The following PLA2G7 variants were observed in gnomAD, a reference collection of about 807,000 sequenced individuals.
PLA2G7 encodes the protein platelet-activating factor acetylhydrolase.
PLA2G7 carries 63 observed loss-of-function variants against 49.6 expected under a neutral mutation model. That is an observed-to-expected ratio of 1.27 (90% CI 1.04 to 1.57). PLA2G7 has a LOEUF of 1.57. Ranked by LOEUF, PLA2G7 falls within the 40% of genes most tolerant of loss-of-function variation. The probability of loss-of-function intolerance (pLI) is 0.00; values close to 1 mark genes in which losing one functional copy is unlikely to be tolerated. For synonymous variants in PLA2G7, 193 were observed against 169.9 expected, an observed-to-expected ratio of 1.14 and a Z score of -1.06; for missense variants, 596 against 521.2, an observed-to-expected ratio of 1.14 and a Z score of -1.40.
chr6:46,708,041 T>A lies in PLA2G7; in HGVS notation c.990A>T (p.Lys330Asn), dbSNP rs199551268. The change falls in exon 10 of 12, where the codon AAA (lysine) becomes AAT (asparagine). Residue 330 changes from lysine to asparagine, a missense_variant. Physicochemically the swap from Lys to Asn is moderately conservative, Grantham distance 94. Coordinates refer to ENST00000274793, the MANE Select transcript of PLA2G7 (RefSeq NM_005084.4). ...TATCAGGTGAGTAGCATTTTTTCATTTTTATGATATTAGCAGGATATTGGA... is the reference window on the plus strand; with the variant it reads ...TATCAGGTGAGTAGCATTTTTTCATATTTATGATATTAGCAGGATATTGGA... ...EYFQYPANII[K>N]MKKCYSPDKE... 140 of 1,594,950 alleles carry A rather than the reference T, an allele frequency of 8.8e-5. No homozygotes were observed. The highest frequency in any genetic ancestry group is 8.3e-4 in the Middle Eastern group (5 of 6,002).
chr6:46,717,129 A>G (rs957451800), intron 2 of PLA2G7, 33 bp from the exon 3 acceptor site: 6 of 1,583,064 alleles, frequency 3.8e-6, no homozygotes, highest in Non-Finnish European at 5.2e-6. Context: ...CTCATTTGTC[A>G]TCCATTACAT....
intron 10 of PLA2G7, among the ~76,000 whole-genome samples, chr6:46,707,288 C>A (rs7756935): frequency 0.79 from 120,213 of 152,052 alleles, 47,623 homozygotes; most frequent in East Asian, 0.88. Context: ...CCTAGCTCTA[C>A]CCCCAAAAAT....
intron 2 of PLA2G7, among the ~76,000 whole-genome samples, chr6:46,721,247 C>T (rs1765390957): frequency 6.6e-6 from 1 of 151,812 alleles, no homozygotes; most frequent in Admixed American, 6.6e-5. Context: ...GGGGTTTCAC[C>T]ATGTTGGCCA....
rs1398505085 is a variant in PLA2G7, at chr6:46,704,462, TCTCTCTCTCTCTCTCTCACA to T, written c.*78_*97del. ...AAAATTCTCTCTCTCTCTCTCTCTC[TCTCTCTCTCTCTCTCTCACA>T]CACACACACACACACACACACACAC... On this transcript the variant is annotated 3_prime_UTR_variant, in exon 12 of 12. Coordinates refer to ENST00000274793, the MANE Select transcript of PLA2G7 (RefSeq NM_005084.4). 128 of 617,332 alleles carry T rather than the reference TCTCTCTCTCTCTCTCTCACA, an allele frequency of 2.1e-4. No individual in the cohort carries two copies. In the African/African-American group the frequency reaches 3.1e-3, roughly 15 times the overall value. The allele number at this position is 617,332 out of a possible 1,614,324, so 38.2% of individuals were successfully genotyped here. A position where few individuals can be genotyped will look rare whatever the true frequency, so the allele number is the denominator to read the frequency against.
chr6:46,714,809 C>T (rs1765148475), intron 4 of PLA2G7, among the ~76,000 whole-genome samples: 1 of 148,810 alleles, frequency 6.7e-6, no homozygotes, highest in African/African-American at 2.5e-5. Context: ...AATCTCGGCT[C>T]ACTGCAAACT....
chr6:46,728,224 ACAG>A (rs1161472531), intron 1 of PLA2G7, among the ~76,000 whole-genome samples: 1 of 152,220 alleles, frequency 6.6e-6, no homozygotes, highest in African/African-American at 2.4e-5. Flanking sequence ...ACATCACTCT[ACAG>A]CAGTGTCTCT....
chr6:46,720,248 C>T (rs1765351493), intron 2 of PLA2G7, among the ~76,000 whole-genome samples: 1 of 152,256 alleles, frequency 6.6e-6, no homozygotes, highest in Non-Finnish European at 1.5e-5. Context: ...AGGCTCAGTT[C>T]TGGAGGCATG....
At chr6:46,717,314 T>C (rs893216040) in intron 2 of PLA2G7, among the ~76,000 whole-genome samples, 3 of 152,260 alleles carry the variant, frequency 2.0e-5, no homozygotes, top group South Asian at 4.2e-4. Flanking sequence ...ACATAGCCTT[T>C]CTCTCAAGCT....
intron 10 of PLA2G7, among the ~76,000 whole-genome samples, chr6:46,706,979 A>G (rs1209797773): frequency 6.6e-6 from 1 of 152,112 alleles, no homozygotes; most frequent in African/African-American, 2.4e-5. Context: ...TATACTCCAT[A>G]TATTTCCTTC....
At chr6:46,719,972 A>C (rs1765342970) in intron 2 of PLA2G7, among the ~76,000 whole-genome samples, 1 of 152,200 alleles carries the variant, frequency 6.6e-6, no homozygotes, top group Non-Finnish European at 1.5e-5. Context: ...TTGAATTACA[A>C]AAGGCTCTTC....
chr6:46,718,757 T>C (rs1765297388), intron 2 of PLA2G7, among the ~76,000 whole-genome samples: 1 of 152,262 alleles, frequency 6.6e-6, no homozygotes, highest in Non-Finnish European at 1.5e-5. Context: ...CATGTGTGTA[T>C]ACACACATGT....
intron 2 of PLA2G7, among the ~76,000 whole-genome samples, chr6:46,722,565 G>T (rs575394061): frequency 3.9e-5 from 6 of 152,286 alleles, no homozygotes; most frequent in African/African-American, 1.4e-4. Flanking sequence ...TCCTGGTTCT[G>T]TCCTGCAGTC....
intron 1 of PLA2G7, among the ~76,000 whole-genome samples, chr6:46,732,582 T>C (rs1251576574): frequency 6.6e-6 from 1 of 152,154 alleles, no homozygotes; most frequent in African/African-American, 2.4e-5. Context: ...AGTGAATGAA[T>C]GAATGAATAC....
intron 6 of PLA2G7, 86 bp from the exon 7 acceptor site, chr6:46,711,705 C>T: frequency 1.5e-6 from 2 of 1,352,034 alleles, no homozygotes; most frequent in East Asian, 2.3e-5. Context: ...CTTGACTCAA[C>T]TTCCTCTGAT....
At chr6:46,733,538 G>A (rs1387822093) in intron 1 of PLA2G7, among the ~76,000 whole-genome samples, 2 of 152,186 alleles carry the variant, frequency 1.3e-5, no homozygotes, top group African/African-American at 4.8e-5. Flanking sequence ...ATCACCACAT[G>A]GCCAGCAGCA....
At chr6:46,708,896 C>T (rs1764916190) in intron 9 of PLA2G7, among the ~76,000 whole-genome samples, 1 of 152,100 alleles carries the variant, frequency 6.6e-6, no homozygotes, top group East Asian at 1.9e-4. Flanking sequence ...TGTCCCAACT[C>T]TTACCCAAAT....
intron 2 of PLA2G7, among the ~76,000 whole-genome samples, chr6:46,721,256 C>T (rs949535529): frequency 1.3e-5 from 2 of 151,890 alleles, no homozygotes; most frequent in Admixed American, 6.6e-5. Context: ...CCATGTTGGC[C>T]AGGCTGGTCT....
At position 46,712,280 on chromosome 6, in the gene PLA2G7, A is replaced by C; in HGVS notation, c.528T>G (p.Ala176=). Residue 176 remains alanine, a synonymous_variant, in exon 6 of 12, where the codon GCT becomes GCG. Transcript: ENST00000274793. Reference sequence around the variant, plus strand: ...ATCAGGTAACATACCTGTGTTCTACAGCAGCAACTATAAACCCATGAGATG... The same window carrying C: ...ATCAGGTAACATACCTGTGTTCTACCGCAGCAACTATAAACCCATGAGATG... ...DLASHGFIVA[A]VEHRDRSASA... 6.2e-7 allele frequency: 1 copy of C among 1,610,922 alleles called. No homozygotes were observed. Among genetic ancestry groups the C allele is most frequent in the Non-Finnish European group, 8.5e-7 (1 of 1,177,180 alleles).
intron 8 of PLA2G7, among the ~76,000 whole-genome samples, chr6:46,709,983 C>G (rs1403409059): frequency 6.6e-6 from 1 of 152,096 alleles, no homozygotes; most frequent in Non-Finnish European, 1.5e-5. Context: ...AGGAGTTAGG[C>G]AAGGGGAAGG....
Sources: allele counts gnomAD v4.1 joint callset (sites outside exome capture counted in the v4.1 genomes callset), GRCh38; gene constraint gnomAD v4.1.1; transcripts MANE v1.5; gene names NCBI Gene and HGNC (gene_info 2026-07-23, HGNC 2026-07-21).